The following LRRC4C variants were observed in gnomAD, a reference collection of about 807,000 sequenced individuals.
The protein encoded by LRRC4C is leucine rich repeat containing 4C.
LRRC4C carries 5 observed loss-of-function variants against 33.6 expected under a neutral mutation model. The ratio of observed to expected loss-of-function variants is 0.15; its 90% CI spans 0.08 to 0.31. The LOEUF (loss-of-function observed/expected upper bound fraction) is 0.31. LRRC4C is among the 10% of genes least tolerant of loss of function. The pLI, the probability that LRRC4C is intolerant of heterozygous loss-of-function variation, is 1.00. For missense variants in LRRC4C, 560 were observed against 796.7 expected, an observed-to-expected ratio of 0.70 and a Z score of 3.58; for synonymous variants, 329 against 302.0, an observed-to-expected ratio of 1.09 and a Z score of -0.93.
intron 3 of LRRC4C, among the ~76,000 whole-genome samples, chr11:40,457,068 C>G (rs546119639): frequency 1.9e-4 from 26 of 135,692 alleles, no homozygotes; most frequent in South Asian, 7.1e-4. Context: ...GTCAACAGCT[C>G]AGAATTTTAG....
intron 3 of LRRC4C, among the ~76,000 whole-genome samples, chr11:40,607,098 T>C (rs1960695957): frequency 6.6e-6 from 1 of 152,160 alleles, no homozygotes; most frequent in Non-Finnish European, 1.5e-5. Flanking sequence ...GCAAGAGTAA[T>C]GTATCTGGCA....
At chr11:40,818,308 C>A (rs1382631306) in intron 2 of LRRC4C, among the ~76,000 whole-genome samples, 2 of 152,044 alleles carry the variant, frequency 1.3e-5, no homozygotes, top group African/African-American at 4.8e-5. Context: ...CTAAGGATCG[C>A]AAGTTCCTGG....
At chr11:40,656,472 CT>C (rs11371073) in intron 2 of LRRC4C, among the ~76,000 whole-genome samples, 25,123 of 144,238 alleles carry the variant, frequency 0.17, 2,151 homozygotes, top group Non-Finnish European at 0.2. Flanking sequence ...AAGTGGGTCA[CT>C]TTTTTTTTTT....
chr11:41,440,361 G>A (rs947751084), intron 1 of LRRC4C, among the ~76,000 whole-genome samples: 9 of 152,128 alleles, frequency 5.9e-5, no homozygotes, highest in Non-Finnish European at 8.8e-5. Context: ...AATGATGATG[G>A]TGAATTGGGG....
chr11:41,299,484 G>A (rs1950228800), intron 1 of LRRC4C, among the ~76,000 whole-genome samples: 1 of 151,912 alleles, frequency 6.6e-6, no homozygotes, highest in African/African-American at 2.4e-5. Flanking sequence ...AGATTTTCTG[G>A]TAGTTTCTAT....
chr11:40,938,655 C>T (rs969451582), intron 1 of LRRC4C, among the ~76,000 whole-genome samples: 3 of 152,152 alleles, frequency 2.0e-5, no homozygotes, highest in African/African-American at 4.8e-5. Flanking sequence ...CTTGACCACA[C>T]TAAGGCACAA....
intron 2 of LRRC4C, among the ~76,000 whole-genome samples, chr11:40,760,529 A>C (rs1949156406): frequency 6.6e-6 from 1 of 151,954 alleles, no homozygotes; most frequent in Admixed American, 6.6e-5. Flanking sequence ...GCTCAATATT[A>C]TGTATAGAAG....
intron 1 of LRRC4C, among the ~76,000 whole-genome samples, chr11:41,393,915 T>C (rs1193575473): frequency 6.6e-6 from 1 of 152,002 alleles, no homozygotes; most frequent in Non-Finnish European, 1.5e-5. Flanking sequence ...AACTAGTCTA[T>C]ATGTGTATTA....
intron 6 of LRRC4C, among the ~76,000 whole-genome samples, chr11:40,121,819 G>A (rs996502633): frequency 1.3e-5 from 2 of 152,110 alleles, no homozygotes; most frequent in African/African-American, 4.8e-5. Context: ...TAAGCAAGGA[G>A]GGAGAAAGAT....
chr11:41,070,111 C>A (rs1938566408), intron 1 of LRRC4C, among the ~76,000 whole-genome samples: 1 of 152,130 alleles, frequency 6.6e-6, no homozygotes, highest in Admixed American at 6.5e-5. Flanking sequence ...AGAACTAACA[C>A]CACACATCTA....
At chr11:40,796,612 A>G (rs1034056700) in intron 2 of LRRC4C, among the ~76,000 whole-genome samples, 1 of 151,788 alleles carries the variant, frequency 6.6e-6, no homozygotes, top group Admixed American at 6.6e-5. Context: ...TTTAGGGAAA[A>G]CAAAAGAGGG....
chr11:41,268,417 G>C (rs1453771401), intron 1 of LRRC4C, among the ~76,000 whole-genome samples: 1 of 152,004 alleles, frequency 6.6e-6, no homozygotes, highest in South Asian at 2.1e-4. Context: ...TTAAGACATC[G>C]GCTCTGTGGC....
chr11:40,561,611 G>A (rs1212985600), intron 3 of LRRC4C, among the ~76,000 whole-genome samples: 2 of 151,294 alleles, frequency 1.3e-5, no homozygotes, highest in Admixed American at 6.6e-5. Context: ...ACGGGGTTTC[G>A]TCGTGTTAGC....
chr11:41,061,358 T>C (rs429687), intron 1 of LRRC4C, among the ~76,000 whole-genome samples: 147,634 of 152,284 alleles, frequency 0.97, 71,743 homozygotes, highest in East Asian at 1. Flanking sequence ...ATAGATGTCA[T>C]ATGAAAATAA....
At chr11:40,510,844 C>T (rs1333498433) in intron 3 of LRRC4C, among the ~76,000 whole-genome samples, 1 of 151,902 alleles carries the variant, frequency 6.6e-6, no homozygotes, top group Non-Finnish European at 1.5e-5. Context: ...TCAAGATGAC[C>T]CTTGTGAATA....
At chr11:40,701,264 A>G (rs912949983) in intron 2 of LRRC4C, among the ~76,000 whole-genome samples, 9 of 152,154 alleles carry the variant, frequency 5.9e-5, no homozygotes, top group Non-Finnish European at 8.8e-5. Flanking sequence ...CCACAGTATT[A>G]TATTAAAGTT....
At chr11:41,140,494 G>T (rs964865341) in intron 1 of LRRC4C, among the ~76,000 whole-genome samples, 1 of 137,440 alleles carries the variant, frequency 7.3e-6, no homozygotes, top group Non-Finnish European at 1.7e-5. Context: ...CAAGGTCCCT[G>T]AACTTTTACC....
At chr11:40,907,946 G>T (rs1956496189) in intron 2 of LRRC4C, among the ~76,000 whole-genome samples, 2 of 152,086 alleles carry the variant, frequency 1.3e-5, no homozygotes, top group African/African-American at 4.8e-5. Flanking sequence ...TGAAGTTTCT[G>T]TATTTACTTG....
At chr11:41,253,840 C>A (rs577973427) in intron 1 of LRRC4C, among the ~76,000 whole-genome samples, 3 of 152,014 alleles carry the variant, frequency 2.0e-5, no homozygotes, top group African/African-American at 7.2e-5. Context: ...CTAATGACGG[C>A]GGCAGTTTTA....
Sources: allele counts gnomAD v4.1 joint callset (sites outside exome capture counted in the v4.1 genomes callset), GRCh38; gene constraint gnomAD v4.1.1; transcripts MANE v1.5; gene names NCBI Gene and HGNC (gene_info 2026-07-23, HGNC 2026-07-21).